EXOC6B: variants seen among roughly 807,000 people sequenced by gnomAD.
EXOC6B encodes the protein exocyst complex component 6B.
Under a neutral mutation model 113.5 loss-of-function variants are expected in EXOC6B, and 54 were observed. The observed-to-expected ratio is 0.48, with a 90% CI of 0.38 to 0.60. EXOC6B has a LOEUF of 0.60. Ranked by LOEUF, EXOC6B falls within the 20% of genes least tolerant of loss-of-function variation. EXOC6B has a pLI of 0.00. For missense variants in EXOC6B, 797 were observed against 977.5 expected, an observed-to-expected ratio of 0.82 and a Z score of 2.46; for synonymous variants, 357 against 339.0, an observed-to-expected ratio of 1.05 and a Z score of -0.58.
intron 21 of EXOC6B, 76 bp downstream of exon 21, chr2:72,183,999 C>A: frequency 1.2e-6 from 1 of 842,098 alleles, no homozygotes; most frequent in South Asian, 1.7e-5. Flanking sequence ...TTGGCAGTGG[C>A]AAAATTATCT....
At chr2:72,777,972 C>A (rs910230729) in intron 1 of EXOC6B, among the ~76,000 whole-genome samples, 2 of 152,002 alleles carry the variant, frequency 1.3e-5, no homozygotes, top group African/African-American at 4.8e-5. Flanking sequence ...CAAATTGGTA[C>A]ACTAGAAAAT....
chr2:72,821,398 A>G (rs1686574022), intron 1 of EXOC6B, among the ~76,000 whole-genome samples: 1 of 152,122 alleles, frequency 6.6e-6, no homozygotes, highest in Non-Finnish European at 1.5e-5. Flanking sequence ...TGCACTTTGG[A>G]AAAACAGTCT....
At chr2:72,400,383 A>C (rs1693056883) in intron 18 of EXOC6B, among the ~76,000 whole-genome samples, 1 of 152,154 alleles carries the variant, frequency 6.6e-6, no homozygotes. Flanking sequence ...GAAACAATTT[A>C]TGACTAAGAT....
chr2:72,654,874 A>C (rs1674473066), intron 6 of EXOC6B, among the ~76,000 whole-genome samples: 1 of 152,214 alleles, frequency 6.6e-6, no homozygotes, highest in Non-Finnish European at 1.5e-5. Context: ...GAACTATGTC[A>C]AATATTTTCC....
At chr2:72,655,861 G>C (rs1348398497) in intron 6 of EXOC6B, among the ~76,000 whole-genome samples, 1 of 151,924 alleles carries the variant, frequency 6.6e-6, no homozygotes. Flanking sequence ...ATTTCTTTTA[G>C]AATATCTTAA....
At chr2:72,379,228 G>A (rs902529104) in intron 19 of EXOC6B, among the ~76,000 whole-genome samples, 1 of 152,150 alleles carries the variant, frequency 6.6e-6, no homozygotes, top group African/African-American at 2.4e-5. Context: ...GCAACTGACT[G>A]CCTTTGAGAA....
At chr2:72,747,938 T>A (rs1286821147) in intron 1 of EXOC6B, among the ~76,000 whole-genome samples, 2 of 152,028 alleles carry the variant, frequency 1.3e-5, no homozygotes, top group African/African-American at 4.8e-5. Context: ...AGAATGCTAA[T>A]CTCCTTGTGG....
chr2:72,814,013 GAAGA>G (rs1160196037), intron 1 of EXOC6B, among the ~76,000 whole-genome samples: 2 of 152,122 alleles, frequency 1.3e-5, no homozygotes, highest in African/African-American at 2.4e-5. Flanking sequence ...AGAACAACAA[GAAGA>G]AAGAGACTTG....
chr2:72,715,829 T>C, intron 6 of EXOC6B, among the ~76,000 whole-genome samples: 1 of 152,138 alleles, frequency 6.6e-6, no homozygotes, highest in Non-Finnish European at 1.5e-5. Flanking sequence ...CATGGCTGAA[T>C]CTTATGGAGA....
intron 20 of EXOC6B, among the ~76,000 whole-genome samples, chr2:72,248,771 G>A (rs1329026138): frequency 6.6e-6 from 1 of 152,116 alleles, no homozygotes; most frequent in East Asian, 1.9e-4. Context: ...ACAGTGGCCT[G>A]CAACATTAAA....
intron 1 of EXOC6B, among the ~76,000 whole-genome samples, chr2:72,768,063 G>C (rs1246819663): frequency 3.5e-5 from 5 of 142,412 alleles, no homozygotes; most frequent in Non-Finnish European, 6.3e-5. Flanking sequence ...GTTACAGTGA[G>C]TTGAGATCAT....
At chr2:72,241,339 AG>A (rs1250399102) in intron 20 of EXOC6B, among the ~76,000 whole-genome samples, 1 of 152,354 alleles carries the variant, frequency 6.6e-6, no homozygotes, top group Non-Finnish European at 1.5e-5. Flanking sequence ...AAAGAGAAAA[AG>A]TATGAAAAAG....
At chr2:72,529,026 A>G (rs779869804) in intron 8 of EXOC6B, among the ~76,000 whole-genome samples, 30 of 152,110 alleles carry the variant, frequency 2.0e-4, no homozygotes, top group Non-Finnish European at 3.8e-4. Context: ...TCCATTCTGC[A>G]TGCCCTTTAT....
intron 6 of EXOC6B, among the ~76,000 whole-genome samples, chr2:72,586,065 G>A (rs902496674): frequency 5.3e-5 from 8 of 152,020 alleles, no homozygotes; most frequent in Non-Finnish European, 7.4e-5. Flanking sequence ...GAATGAAGCT[G>A]GACCCCTGTC....
intron 20 of EXOC6B, among the ~76,000 whole-genome samples, chr2:72,277,494 T>G (rs1372752942): frequency 6.9e-6 from 1 of 144,910 alleles, no homozygotes. Context: ...TATGTATTTG[T>G]TTTTTTTTTT....
At chr2:72,320,185 T>C (rs972336038) in intron 20 of EXOC6B, among the ~76,000 whole-genome samples, 13 of 148,584 alleles carry the variant, frequency 8.7e-5, no homozygotes, top group Non-Finnish European at 1.6e-4. Flanking sequence ...ATATATATAT[T>C]TATATATATT....
chr2:72,502,752 C>T (rs539502114), intron 11 of EXOC6B, among the ~76,000 whole-genome samples: 2 of 151,972 alleles, frequency 1.3e-5, no homozygotes, highest in African/African-American at 2.4e-5. Context: ...CTGGAATTTC[C>T]CCTTCTTTTA....
chr2:72,384,001 G>A (rs1269348288), intron 18 of EXOC6B, among the ~76,000 whole-genome samples: 2 of 152,068 alleles, frequency 1.3e-5, no homozygotes, highest in Non-Finnish European at 2.9e-5. Flanking sequence ...CTGCTTGAGG[G>A]TGGAAGATGG....
At chr2:72,246,587 A>G (rs1436784721) in intron 20 of EXOC6B, among the ~76,000 whole-genome samples, 1 of 148,102 alleles carries the variant, frequency 6.8e-6, no homozygotes, top group Non-Finnish European at 1.5e-5. Flanking sequence ...AGCTCACTGC[A>G]AGCTCCGCCT....
Sources: allele counts gnomAD v4.1 joint callset (sites outside exome capture counted in the v4.1 genomes callset), GRCh38; gene constraint gnomAD v4.1.1; transcripts MANE v1.5; gene names NCBI Gene and HGNC (gene_info 2026-07-23, HGNC 2026-07-21).